Variants in NR6A1 observed in about 807,000 individuals in gnomAD.
NR6A1 encodes retinoic acid receptor-related testis-associated receptor.
In NR6A1, 7 loss-of-function variants were observed where a neutral mutation model predicts 59.1. The observed-to-expected ratio is 0.12, with a 90% confidence interval of 0.07 to 0.22. The LOEUF (loss-of-function observed/expected upper bound fraction) is 0.22, where lower values mean the gene tolerates loss of function less well. NR6A1 is among the 10% of genes least tolerant of loss of function. The pLI, the probability that NR6A1 is intolerant of heterozygous loss-of-function variation, is 1.00. For missense variants in NR6A1, 468 were observed against 611.6 expected, an observed-to-expected ratio of 0.77 and a Z score of 2.48; for synonymous variants, 243 against 236.1, an observed-to-expected ratio of 1.03 and a Z score of -0.27.
At chr9:124,750,767 T>A (rs534564963) in intron 1 of NR6A1, among the ~76,000 whole-genome samples, 18 of 150,046 alleles carry the variant, frequency 1.2e-4, no homozygotes, top group East Asian at 7.9e-4. Context: ...CTCAAAAAAA[T>A]AAATAAATAA....
rs573252784 is a variant in NR6A1 at position 124,725,220 on chromosome 9, T to C, written c.142+8088A>G. On this transcript the variant is annotated intron_variant, in intron 2 of 9. Coordinates refer to ENST00000487099, the MANE Select transcript of NR6A1 (RefSeq NM_033334.4). The stretch of plus-strand genomic sequence containing the variant: ...TTTGACTGCCCTTGTCCCTAGCTTA[T>C]GCTAATGGACATGGTACAGGGACAC... 2.0e-5 allele frequency among the ~76,000 whole-genome samples: 3 copies of C among 152,248 alleles called. No homozygotes were observed. In the South Asian group the frequency reaches 6.2e-4, roughly 32 times the overall value.
At chr9:124,674,643 G>A (rs780435152) in intron 2 of NR6A1, among the ~76,000 whole-genome samples, 1 of 152,066 alleles carries the variant, frequency 6.6e-6, no homozygotes, top group Non-Finnish European at 1.5e-5. Context: ...TGAGGCTGCT[G>A]CACATCAAAG....
intron 2 of NR6A1, among the ~76,000 whole-genome samples, chr9:124,556,452 G>A (rs1399639506): frequency 2.6e-5 from 4 of 151,454 alleles, no homozygotes; most frequent in African/African-American, 7.3e-5. Flanking sequence ...TTCAGCCCAG[G>A]GATACTGATT....
intron 2 of NR6A1, among the ~76,000 whole-genome samples, chr9:124,584,282 A>T (rs1285923112): frequency 6.6e-6 from 1 of 151,804 alleles, no homozygotes; most frequent in African/African-American, 2.4e-5. Context: ...TAATTTTTGA[A>T]TTTTTAGTAG....
intron 2 of NR6A1, among the ~76,000 whole-genome samples, chr9:124,657,377 A>C (rs1009390645): frequency 6.6e-6 from 1 of 152,232 alleles, no homozygotes; most frequent in Non-Finnish European, 1.5e-5. Context: ...TGGTATGTTT[A>C]AGTATCAATT....
At chr9:124,537,480 C>T (rs1463561484) in intron 6 of NR6A1, among the ~76,000 whole-genome samples, 1 of 152,174 alleles carries the variant, frequency 6.6e-6, no homozygotes, top group Non-Finnish European at 1.5e-5. Context: ...CTTAAGAAAT[C>T]TCAGGATACC....
chr9:124,746,296 G>A (rs1423443729), intron 1 of NR6A1, among the ~76,000 whole-genome samples: 1 of 152,086 alleles, frequency 6.6e-6, no homozygotes, highest in African/African-American at 2.4e-5. Flanking sequence ...TCATACCTAT[G>A]AATAATTCTG....
intron 4 of NR6A1, among the ~76,000 whole-genome samples, chr9:124,540,617 C>T (rs1031325756): frequency 1.6e-4 from 24 of 152,166 alleles, no homozygotes; most frequent in African/African-American, 4.8e-4. Context: ...CTGGACAACA[C>T]GGTGAAACCC....
chr9:124,584,078 T>C (rs956274652), intron 2 of NR6A1, among the ~76,000 whole-genome samples: 3 of 150,958 alleles, frequency 2.0e-5, no homozygotes, highest in Non-Finnish European at 4.4e-5. Flanking sequence ...TGAGCATACA[T>C]CATTTTATTG....
intron 2 of NR6A1, among the ~76,000 whole-genome samples, chr9:124,719,658 C>A (rs528054018): frequency 6.6e-6 from 1 of 152,236 alleles, no homozygotes; most frequent in South Asian, 2.1e-4. Flanking sequence ...GTGGCTCACA[C>A]CTGTAATCTC....
intron 5 of NR6A1, among the ~76,000 whole-genome samples, chr9:124,539,509 A>T (rs1383298086): frequency 6.6e-6 from 1 of 152,238 alleles, no homozygotes; most frequent in African/African-American, 2.4e-5. Context: ...AAGCTTCCCT[A>T]ATAGCTGAAG....
intron 2 of NR6A1, among the ~76,000 whole-genome samples, chr9:124,712,586 C>T (rs566690776): frequency 4.7e-5 from 7 of 147,558 alleles, no homozygotes; most frequent in Admixed American, 1.4e-4. Flanking sequence ...CCAGCCTGGG[C>T]GACAGAACAA....
Position 124,528,063 on chromosome 9 carries a change from C to T in NR6A1, c.1080-1163G>A, listed in dbSNP as rs4073327. ...TCCTGGTGAGATCTTCAGATCTGCG[C>T]ACTACAGGCCTGTGCCAAGCCAAGA... is the stretch of plus-strand genomic sequence containing the variant. On this transcript the variant is annotated intron_variant, in intron 7 of 9. Coordinates refer to ENST00000487099, the MANE Select transcript of NR6A1 (RefSeq NM_033334.4). Among the ~76,000 whole-genome samples the T allele has an allele frequency of 9.9e-3, 1,513 of 152,320 alleles. 62 individuals carry two copies. The East Asian group carries it at 0.14, about 15-fold the overall frequency.
intron 2 of NR6A1, among the ~76,000 whole-genome samples, chr9:124,603,078 TAAACTC>T (rs1264463505): frequency 6.6e-6 from 1 of 152,206 alleles, no homozygotes; most frequent in Admixed American, 6.5e-5. Flanking sequence ...CTCCCAGACT[TAAACTC>T]AAAGTCAAAT....
intron 2 of NR6A1, among the ~76,000 whole-genome samples, chr9:124,619,660 A>C (rs1358599569): frequency 6.6e-6 from 1 of 152,210 alleles, no homozygotes; most frequent in African/African-American, 2.4e-5. Context: ...CCTGCTGCTT[A>C]CTAGAAGTGT....
chr9:124,545,076 A>G (rs1457544330), intron 3 of NR6A1, among the ~76,000 whole-genome samples: 1 of 152,152 alleles, frequency 6.6e-6, no homozygotes, highest in Non-Finnish European at 1.5e-5. Context: ...AGCTCCAAGT[A>G]TATAACCCTG....
intron 3 of NR6A1, among the ~76,000 whole-genome samples, chr9:124,549,917 A>G (rs1833719280): frequency 6.6e-6 from 1 of 152,252 alleles, no homozygotes; most frequent in African/African-American, 2.4e-5. Context: ...CCAGGGGCCC[A>G]CATTGCATTT....
chr9:124,536,152 G>T lies in NR6A1; in HGVS notation c.825-20C>A, dbSNP rs114419980. ...GCGTATCTGAGGGGCAGGGACAGGG[G>T]AAAGTCACTTCCATTGGTCAGAGGG... is the stretch of plus-strand genomic sequence containing the variant. On this transcript the variant is annotated intron_variant, in intron 6 of 9. Coordinates refer to ENST00000487099, the MANE Select transcript of NR6A1 (RefSeq NM_033334.4). 1 of 1,605,528 alleles carries T rather than the reference G, an allele frequency of 6.2e-7. No homozygotes were observed. Among genetic ancestry groups the T allele is most frequent in the Admixed American group, 1.7e-5 (1 of 59,862 alleles).
chr9:124,553,546 T>C (rs1319740275), intron 3 of NR6A1, among the ~76,000 whole-genome samples: 1 of 146,474 alleles, frequency 6.8e-6, no homozygotes, highest in East Asian at 2.0e-4. Flanking sequence ...CTTTTTAGCT[T>C]GACTTTTTTT....
Sources: gnomAD v4.1 joint callset for allele counts (sites outside exome capture counted in the v4.1 genomes callset) on GRCh38, gnomAD v4.1.1 for gene constraint, MANE v1.5 for transcripts, NCBI Gene and HGNC (gene_info 2026-07-23, HGNC 2026-07-21) for gene names.